The following SFT2D1 variants were observed in gnomAD, a reference collection of about 807,000 sequenced individuals.
The protein encoded by SFT2D1 is vesicle transport protein SFT2A.
SFT2D1 carries 24 observed loss-of-function variants against 28.1 expected under a neutral mutation model. The ratio of observed to expected loss-of-function variants is 0.85; its 90% CI spans 0.62 to 1.20. The LOEUF is 1.20. SFT2D1 is among the 50% of genes most tolerant of loss of function. The probability of loss-of-function intolerance (pLI) is 0.00; values close to 1 mark genes in which losing one functional copy is unlikely to be tolerated. For synonymous variants in SFT2D1, 82 were observed against 73.7 expected (o/e 1.11, Z -0.58); for missense variants, 181 against 190.9 (o/e 0.95, Z 0.31).
At chr6:166,339,643 T>A (rs1475322896) in intron 1 of SFT2D1, among the ~76,000 whole-genome samples, 1 of 152,004 alleles carries the variant, frequency 6.6e-6, no homozygotes, top group Non-Finnish European at 1.5e-5. Context: ...CCACGGGTAA[T>A]CTGCTCTTAA....
At position 166,324,475 on chromosome 6, in the gene SFT2D1, A is replaced by G. The variant is rs1333026991; in HGVS notation, c.410+62T>C. 1.6e-5 allele frequency: 25 copies of G among 1,538,232 alleles called. No individual in the cohort carries two copies. In the Admixed American group the frequency reaches 4.6e-4, roughly 28 times the overall value. The stretch of plus-strand genomic sequence containing the variant: ...AAATGCTAGGGCTTCACAGGTCCCA[A>G]ACAAAATGCTCGTCACGTCTCAGGC... On this transcript the variant is annotated intron_variant, in intron 6 of 7. Coordinates refer to ENST00000361731, the MANE Select transcript of SFT2D1 (RefSeq NM_145169.3).
intron 2 of SFT2D1, among the ~76,000 whole-genome samples, chr6:166,329,881 A>C (rs1452196134): frequency 6.6e-6 from 1 of 152,206 alleles, no homozygotes; most frequent in African/African-American, 2.4e-5. Flanking sequence ...CTAAATACCA[A>C]GTATGAAAAG....
chr6:166,320,220 A>G lies in SFT2D1; in HGVS notation c.477T>C (p.Ser159=), dbSNP rs749550436. The G allele has an allele frequency of 6.2e-7, 1 of 1,612,132 alleles. No individual in the cohort carries two copies. Among genetic ancestry groups the G allele is most frequent in the Non-Finnish European group, 8.5e-7 (1 of 1,179,300 alleles). ...CTTTTCCACAAGTTTCTGATTTTCA[A>G]CTTAGGAGAGAAGAACAGCATTTAA... is the stretch of plus-strand genomic sequence containing the variant. ...AVIKCCSSLL[S] The change falls in exon 8 of 8, where the codon AGT becomes AGC. Residue 159 remains serine, a synonymous_variant. Transcript: ENST00000361731.
intron 1 of SFT2D1, among the ~76,000 whole-genome samples, chr6:166,333,237 T>A (rs1433212664): frequency 2.0e-5 from 3 of 152,158 alleles, no homozygotes; most frequent in African/African-American, 7.2e-5. Context: ...GGGTCCACAC[T>A]TTCTCCTTCT....
intron 1 of SFT2D1, among the ~76,000 whole-genome samples, chr6:166,331,647 A>G (rs1778553643): frequency 6.6e-6 from 1 of 152,250 alleles, no homozygotes; most frequent in African/African-American, 2.4e-5. Flanking sequence ...TATTTTAACT[A>G]CGCAGGCCAG....
chr6:166,328,322 T>A lies in SFT2D1; in HGVS notation c.269A>T (p.Lys90Met). 1 of 1,599,280 alleles carries A rather than the reference T, an allele frequency of 6.3e-7. No homozygotes were observed. The highest frequency in any genetic ancestry group is 8.5e-7 in the Non-Finnish European group (1 of 1,173,280). ...CAATCTTGTTGCTTCAAACATTTTCTTCAGTTGCTTCACAGGTCCCATTAA... is the reference window on the plus strand; with the variant it reads ...CAATCTTGTTGCTTCAAACATTTTCATCAGTTGCTTCACAGGTCCCATTAA... The part of the protein sequence containing the change: ...CFLMGPVKQL[K>M]KMFEATRLLA... Residue 90 changes from lysine to methionine, a missense_variant, in exon 4 of 8, where the codon AAG becomes ATG. Transcript: ENST00000361731.
intron 6 of SFT2D1, 180 bp from the exon 7 acceptor site, chr6:166,323,066 T>C (rs1009213622): frequency 3.8e-6 from 2 of 530,054 alleles, no homozygotes; most frequent in African/African-American, 3.8e-5. Context: ...ATGTAAATTA[T>C]TAGGTCCTAC....
intron 2 of SFT2D1, 140 bp from the exon 3 acceptor site, chr6:166,329,729 A>T: frequency 1.5e-6 from 1 of 647,276 alleles, no homozygotes; most frequent in Non-Finnish European, 2.5e-6. Flanking sequence ...GTCTAGTCTG[A>T]TTACACAGAA....
intron 6 of SFT2D1, chr6:166,323,547 G>A (rs1214203754): frequency 6.6e-6 from 1 of 152,294 alleles, no homozygotes; most frequent in Non-Finnish European, 1.5e-5. Context: ...GAAGAGCGCA[G>A]GAGCTGCAGG....
At chr6:166,326,233 A>C in intron 4 of SFT2D1, 66 bp from the exon 5 acceptor site, 1 of 1,367,848 alleles carries the variant, frequency 7.3e-7, no homozygotes. Flanking sequence ...AAAATGCATA[A>C]ACTATTCTGC....
At chr6:166,342,324 C>T (rs1040420182) in intron 1 of SFT2D1, 95 bp downstream of exon 1, 1 of 1,170,676 alleles carries the variant, frequency 8.5e-7, no homozygotes, top group Non-Finnish European at 1.2e-6. Flanking sequence ...TCCCAGACCC[C>T]CGGCCTCGCA....
chr6:166,337,760 A>G (rs1409627637), intron 1 of SFT2D1, among the ~76,000 whole-genome samples: 3 of 152,208 alleles, frequency 2.0e-5, no homozygotes, highest in Admixed American at 2.0e-4. Flanking sequence ...AATTAATGCC[A>G]TTTGTAAATA....
intron 6 of SFT2D1, 134 bp downstream of exon 6, chr6:166,324,398 ACCTCC>A (rs1392919703): frequency 2.9e-6 from 2 of 687,912 alleles, no homozygotes; most frequent in Non-Finnish European, 2.5e-6. Context: ...CTCATCGCAG[ACCTCC>A]CCTCCTCTGA....
chr6:166,333,827 A>G (rs935855019), intron 1 of SFT2D1, among the ~76,000 whole-genome samples: 5 of 152,150 alleles, frequency 3.3e-5, no homozygotes, highest in Non-Finnish European at 7.4e-5. Flanking sequence ...TTCCATTCTT[A>G]GCAGACAACT....
chr6:166,331,925 T>C (rs566166813), intron 1 of SFT2D1, among the ~76,000 whole-genome samples: 19 of 152,348 alleles, frequency 1.2e-4, no homozygotes, highest in East Asian at 1.9e-4. Context: ...AATCACCCCA[T>C]TGTTCACAAG....
chr6:166,334,808 A>G, intron 1 of SFT2D1: 1 of 421,260 alleles, frequency 2.4e-6, no homozygotes, highest in African/African-American at 2.0e-5. Context: ...CATGAATGCA[A>G]AGCCACACAA....
intron 1 of SFT2D1, among the ~76,000 whole-genome samples, chr6:166,331,838 G>A (rs1052959160): frequency 6.6e-6 from 1 of 152,194 alleles, no homozygotes; most frequent in African/African-American, 2.4e-5. Flanking sequence ...GATTTCTAAA[G>A]GTTCGTGTGA....
chr6:166,329,506 C>T lies in SFT2D1; in HGVS notation c.233+1G>A, dbSNP rs1778510397. 1.9e-6 allele frequency: 3 copies of T among 1,604,336 alleles called. No homozygotes were observed. The highest frequency in any genetic ancestry group is 2.7e-5 in the African/African-American group (2 of 74,798). ...AAGATATTTTGAGAAGCCAAACGTA[C>T]CTGGCTAACGCAGCAAGATTGCCGA... On this transcript the variant is annotated splice_donor_variant, in intron 3 of 7. Coordinates refer to ENST00000361731, the MANE Select transcript of SFT2D1 (RefSeq NM_145169.3). LOFTEE classifies it high-confidence loss of function.
chr6:166,332,382 T>G (rs141234900), intron 1 of SFT2D1, among the ~76,000 whole-genome samples: 9 of 152,132 alleles, frequency 5.9e-5, no homozygotes, highest in Non-Finnish European at 1.2e-4. Context: ...AGTCTCCCAA[T>G]TAGCTGGGAC....
Sources: allele counts gnomAD v4.1 joint callset (sites outside exome capture counted in the v4.1 genomes callset), GRCh38; gene constraint gnomAD v4.1.1; transcripts MANE v1.5; gene names NCBI Gene and HGNC (gene_info 2026-07-23, HGNC 2026-07-21).